EGFR: variants seen among roughly 807,000 people sequenced by gnomAD.
The protein encoded by EGFR is avian erythroblastic leukemia viral (v-erb-b) oncogene homolog.
A neutral mutation model predicts 143.0 loss-of-function variants in EGFR; 58 were observed. That is an observed-to-expected ratio of 0.41 (90% CI 0.33 to 0.50). EGFR has a LOEUF of 0.50. Ranked by LOEUF, EGFR falls within the 20% of genes least tolerant of loss-of-function variation. The pLI is 0.39. For missense variants in EGFR, 1,307 were observed against 1,579.0 expected, an observed-to-expected ratio of 0.83 and a Z score of 2.92; for synonymous variants, 613 against 594.4, an observed-to-expected ratio of 1.03 and a Z score of -0.45.
intron 6 of EGFR, among the ~76,000 whole-genome samples, chr7:55,153,018 G>A (rs1425463014): frequency 6.6e-6 from 1 of 152,234 alleles, no homozygotes; most frequent in African/African-American, 2.4e-5. Context: ...TCATGAATGT[G>A]CCTTGTTGCC....
Position 55,205,659 on chromosome 7 carries a change from G to A in EGFR, c.*42G>A, listed in dbSNP as rs201214891. Reference sequence around the variant, plus strand: ...GAGCCCTAAAAATCCAGACTCTTTCGATACCCAGGACCAAGCCACAGCAGG... The same window carrying A: ...GAGCCCTAAAAATCCAGACTCTTTCAATACCCAGGACCAAGCCACAGCAGG... On this transcript the variant is annotated 3_prime_UTR_variant, in exon 28 of 28. Transcript: ENST00000275493. 418 of 1,613,708 alleles carry A rather than the reference G, an allele frequency of 2.6e-4. No individual in the cohort carries two copies. Among genetic ancestry groups the A allele is most frequent in the Non-Finnish European group, 3.1e-4 (368 of 1,179,946 alleles).
intron 1 of EGFR, among the ~76,000 whole-genome samples, chr7:55,069,340 C>T (rs1011764326): frequency 5.3e-5 from 8 of 152,222 alleles, no homozygotes; most frequent in Admixed American, 2.6e-4. Flanking sequence ...CTTTTTAGCT[C>T]GTGTGGTGAT....
intron 1 of EGFR, among the ~76,000 whole-genome samples, chr7:55,026,427 G>A (rs574148731): frequency 5.9e-5 from 9 of 152,190 alleles, no homozygotes; most frequent in Middle Eastern, 3.4e-3. Flanking sequence ...CAGGAGCATC[G>A]CCATCTTGGA....
intron 17 of EGFR, among the ~76,000 whole-genome samples, chr7:55,173,597 C>G (rs147161986): frequency 2.2e-4 from 34 of 152,370 alleles, no homozygotes; most frequent in African/African-American, 7.0e-4. Flanking sequence ...TGTGCCCCAA[C>G]CAAACGACCG....
At position 55,201,745 on chromosome 7, in the gene EGFR, G is replaced by T. The variant is rs1161802556; in HGVS notation, c.3125G>T (p.Ser1042Ile). The change falls in exon 26 of 28, where the codon AGC (serine) becomes ATC (isoleucine). Residue 1042 changes from serine (S) to isoleucine (I), a missense_variant. Physicochemically the swap from Ser to Ile is moderately radical, Grantham distance 142 (BLOSUM62 -2). This residue lies in a region of EGFR where 313 missense variants were observed against 312.3 expected (regional missense o/e 1.00). Coordinates refer to ENST00000275493, the MANE Select transcript of EGFR (RefSeq NM_005228.5). Reference protein sequence around the residue: ...TPLLSSLSATSNNSTVACIDR... With the variant: ...TPLLSSLSATINNSTVACIDR... ...CTGTTTCTTTTTCAGAGTGCAACCA[G>T]CAACAATTCCACCGTGGCTTGCATT... is the stretch of plus-strand genomic sequence containing the variant. The T allele has an allele frequency of 6.2e-7, 1 of 1,614,172 alleles. No individual in the cohort carries two copies. The highest frequency in any genetic ancestry group is 8.5e-7 in the Non-Finnish European group (1 of 1,180,034).
At chr7:55,110,082 AT>A (rs1316811814) in intron 1 of EGFR, 1 of 410,690 alleles carries the variant, frequency 2.4e-6, no homozygotes, top group African/African-American at 2.2e-5. Context: ...AAGTGAGGAG[AT>A]TCCTAGGAAT....
At chr7:55,133,145 C>T (rs1291643319) in intron 1 of EGFR, among the ~76,000 whole-genome samples, 3 of 152,224 alleles carry the variant, frequency 2.0e-5, no homozygotes, top group African/African-American at 7.2e-5. Context: ...CAGCGCCCAG[C>T]GAGGTGAACT....
chr7:55,155,096 A>T (rs994125737), intron 7 of EGFR, among the ~76,000 whole-genome samples: 1 of 152,252 alleles, frequency 6.6e-6, no homozygotes, highest in East Asian at 1.9e-4. Context: ...CAGAAGAATC[A>T]TCAATGTCCT....
chr7:55,042,808 AG>A (rs1787973660), intron 1 of EGFR, among the ~76,000 whole-genome samples: 1 of 152,196 alleles, frequency 6.6e-6, no homozygotes, highest in East Asian at 1.9e-4. Context: ...TGCATCTACA[AG>A]TTTAACAAAT....
intron 1 of EGFR, among the ~76,000 whole-genome samples, chr7:55,079,272 G>C (rs1374813135): frequency 2.0e-5 from 3 of 152,224 alleles, no homozygotes; most frequent in African/African-American, 4.8e-5. Context: ...TGGAGCAGGT[G>C]CTCCGCCCAG....
chr7:55,189,027 G>C (rs1408868992), intron 20 of EGFR: 1 of 152,146 alleles, frequency 6.6e-6, no homozygotes, highest in Non-Finnish European at 1.5e-5. Flanking sequence ...TAGATTGACA[G>C]AGTGACGCGG....
At chr7:55,063,400 T>G (rs1789307765) in intron 1 of EGFR, among the ~76,000 whole-genome samples, 1 of 152,184 alleles carries the variant, frequency 6.6e-6, no homozygotes, top group Non-Finnish European at 1.5e-5. Context: ...TGAAACGATG[T>G]GGAATTCTCT....
intron 1 of EGFR, among the ~76,000 whole-genome samples, chr7:55,060,405 A>C (rs1789097515): frequency 6.6e-6 from 1 of 152,102 alleles, no homozygotes; most frequent in Non-Finnish European, 1.5e-5. Flanking sequence ...TCTTGTGGTA[A>C]ATTTTTGAAT....
chr7:55,204,822 C>A (rs1788043749), intron 27 of EGFR, among the ~76,000 whole-genome samples: 1 of 148,300 alleles, frequency 6.7e-6, no homozygotes. Context: ...CACATATACA[C>A]ACACGTACAC....
intron 8 of EGFR, 135 bp downstream of exon 8, chr7:55,156,081 G>C: frequency 1.3e-6 from 1 of 758,148 alleles, no homozygotes; most frequent in East Asian, 2.7e-5. Flanking sequence ...TAAAACAGAA[G>C]ATAAAGCTGT....
At chr7:55,184,103 T>G (rs1787020928) in intron 20 of EGFR, among the ~76,000 whole-genome samples, 1 of 152,276 alleles carries the variant, frequency 6.6e-6, no homozygotes, top group African/African-American at 2.4e-5. Flanking sequence ...GGCACGTTGC[T>G]GGCCTGTCTG....
At chr7:55,125,281 G>C (rs1233680443) in intron 1 of EGFR, among the ~76,000 whole-genome samples, 1 of 152,208 alleles carries the variant, frequency 6.6e-6, no homozygotes, top group Non-Finnish European at 1.5e-5. Flanking sequence ...GTGCAACATG[G>C]GATTGAGAAA....
chr7:55,095,137 C>G (rs1045379728), intron 1 of EGFR, among the ~76,000 whole-genome samples: 1 of 152,330 alleles, frequency 6.6e-6, no homozygotes, highest in Non-Finnish European at 1.5e-5. Flanking sequence ...CTGCAGGGCT[C>G]TGGTCTAAGT....
At chr7:55,198,407 T>C (rs1202411989) in intron 22 of EGFR, among the ~76,000 whole-genome samples, 1 of 152,196 alleles carries the variant, frequency 6.6e-6, no homozygotes, top group Non-Finnish European at 1.5e-5. Flanking sequence ...GAGTTACTGT[T>C]GTCTTTATTG....
Sources: gnomAD v4.1 joint callset for allele counts (sites outside exome capture counted in the v4.1 genomes callset) on GRCh38, gnomAD v4.1.1 for gene constraint, gnomAD v4.1.1 regional missense constraint, MANE v1.5 for transcripts, NCBI Gene and HGNC (gene_info 2026-07-23, HGNC 2026-07-21) for gene names.